Variants in MTUS2 observed in about 807,000 individuals in gnomAD.
MTUS2 encodes microtubule associated scaffold protein 2, also known as microtubule-associated tumor suppressor candidate 2.
MTUS2 carries 40 observed loss-of-function variants against 114.1 expected under a neutral mutation model. The observed-to-expected ratio is 0.35, with a 90% CI of 0.27 to 0.46. The LOEUF is 0.46. Ranked by LOEUF, MTUS2 falls within the 20% of genes least tolerant of loss-of-function variation. The pLI is 1.00. For missense variants in MTUS2, 1,679 were observed against 1,705.4 expected (o/e 0.98, Z 0.27); for synonymous variants, 688 against 672.0 (o/e 1.02, Z -0.37).
intron 9 of MTUS2, among the ~76,000 whole-genome samples, chr13:29,471,177 T>C (rs1440270690): frequency 6.6e-6 from 1 of 151,896 alleles, no homozygotes; most frequent in East Asian, 1.9e-4. Context: ...ACCCCATCTC[T>C]ACTAAAAATA....
chr13:29,353,616 A>G (rs1440747705), intron 7 of MTUS2, among the ~76,000 whole-genome samples: 2 of 152,182 alleles, frequency 1.3e-5, no homozygotes, highest in African/African-American at 4.8e-5. Flanking sequence ...AGTATTCTTA[A>G]GCTTTTTTCT....
At chr13:29,106,074 C>A (rs1018697138) in intron 5 of MTUS2, among the ~76,000 whole-genome samples, 2 of 152,150 alleles carry the variant, frequency 1.3e-5, no homozygotes, top group Non-Finnish European at 2.9e-5. Flanking sequence ...TCCTAGTCTT[C>A]ACCTTGTCAT....
intron 5 of MTUS2, among the ~76,000 whole-genome samples, chr13:29,148,055 A>G (rs1374462180): frequency 6.6e-6 from 1 of 152,182 alleles, no homozygotes; most frequent in Non-Finnish European, 1.5e-5. Context: ...TTACATTCCC[A>G]CCAACAGTGT....
intron 5 of MTUS2, among the ~76,000 whole-genome samples, chr13:29,250,204 C>G (rs1897074271): frequency 6.6e-6 from 1 of 151,972 alleles, no homozygotes; most frequent in Non-Finnish European, 1.5e-5. Flanking sequence ...ATAACATGTT[C>G]AAGTTGAAAT....
chr13:29,164,608 G>A (rs1348137508), intron 5 of MTUS2, among the ~76,000 whole-genome samples: 2 of 152,198 alleles, frequency 1.3e-5, no homozygotes, highest in Non-Finnish European at 2.9e-5. Flanking sequence ...TGATGTATAT[G>A]TGAATTAAAT....
intron 5 of MTUS2, among the ~76,000 whole-genome samples, chr13:29,255,272 A>T (rs1897255321): frequency 6.6e-6 from 1 of 152,168 alleles, no homozygotes; most frequent in East Asian, 1.9e-4. Context: ...TCTGAGATTA[A>T]TCATGGGGTT....
At chr13:29,205,430 T>A (rs1215711740) in intron 5 of MTUS2, among the ~76,000 whole-genome samples, 1 of 151,516 alleles carries the variant, frequency 6.6e-6, no homozygotes. Flanking sequence ...TATTTCAGTA[T>A]TTTTTTGGGG....
At chr13:29,036,274 G>A (rs1887068031) in intron 4 of MTUS2, among the ~76,000 whole-genome samples, 2 of 152,186 alleles carry the variant, frequency 1.3e-5, no homozygotes, top group East Asian at 1.9e-4. Flanking sequence ...TGACGGAAGG[G>A]AGTGAGAGTC....
chr13:29,295,855 A>G (rs1403463284), intron 6 of MTUS2, among the ~76,000 whole-genome samples: 3 of 152,166 alleles, frequency 2.0e-5, no homozygotes, highest in East Asian at 1.9e-4. Flanking sequence ...TTATAAAACC[A>G]TCAGATCTCA....
chr13:29,340,343 C>G (rs1593323177), intron 7 of MTUS2, among the ~76,000 whole-genome samples: 2 of 152,284 alleles, frequency 1.3e-5, no homozygotes, highest in South Asian at 2.1e-4. Flanking sequence ...ACTGCAGATG[C>G]CTGTTGACAG....
In MTUS2 at chr13:28,878,318, T is replaced by A. The variant is rs143671129; in HGVS notation, c.-243+38468T>A. Among the ~76,000 whole-genome samples, 206 of 152,106 alleles carry A rather than the reference T, an allele frequency of 1.4e-3. 2 individuals carry two copies. Among genetic ancestry groups the A allele is most frequent in the African/African-American group, 4.8e-3 (200 of 41,500 alleles). On this transcript the variant is annotated intron_variant, in intron 2 of 15. Coordinates refer to ENST00000612955, the MANE Select transcript of MTUS2 (RefSeq NM_001033602.4). Reference sequence around the variant, plus strand: ...ACACACACACACATACACACACATATACATTTTTTGTTTTTTCTTCAACTC... The same window carrying A: ...ACACACACACACATACACACACATAAACATTTTTTGTTTTTTCTTCAACTC...
intron 2 of MTUS2, among the ~76,000 whole-genome samples, chr13:28,933,446 G>T (rs866351090): frequency 2.6e-5 from 4 of 152,150 alleles, no homozygotes; most frequent in Non-Finnish European, 4.4e-5. Flanking sequence ...TTATGAAAGG[G>T]TCATTAGCTT....
In MTUS2 at chr13:29,480,372, T is replaced by A. The variant is rs762462020; in HGVS notation, c.3399+8T>A. 2 of 1,512,498 alleles carry A rather than the reference T, an allele frequency of 1.3e-6. No individual in the cohort carries two copies. The highest frequency in any genetic ancestry group is 2.8e-5 in the African/African-American group (2 of 72,102). The allele number at this position is 1,512,498 out of a possible 1,614,324, so 93.7% of individuals were successfully genotyped here. On this transcript the variant is annotated splice_region_variant and intron_variant, in intron 10 of 15. Transcript: ENST00000612955. This position sits in a 1 kb window ranked among gnomAD's most constrained non-coding sequence, Gnocchi z 4.4. Reference sequence around the variant, plus strand: ...TGTCAACACCAGGAGCAGGTCAGTCTGCAGTGCGGCTCGAGCTCTGCTGTT... The same window carrying A: ...TGTCAACACCAGGAGCAGGTCAGTCAGCAGTGCGGCTCGAGCTCTGCTGTT...
intron 2 of MTUS2, among the ~76,000 whole-genome samples, chr13:28,906,150 T>A (rs1237113993): frequency 1.3e-5 from 2 of 151,550 alleles, no homozygotes; most frequent in Non-Finnish European, 2.9e-5. Context: ...TCTGTTTTCT[T>A]CTTTATTAGT....
At chr13:29,456,657 G>A (rs1879127832) in intron 9 of MTUS2, among the ~76,000 whole-genome samples, 1 of 152,146 alleles carries the variant, frequency 6.6e-6, no homozygotes, top group Non-Finnish European at 1.5e-5. Context: ...GTAAATGACA[G>A]TTGGCCTTAT....
Position 29,052,393 on chromosome 13 carries a change from A to G in MTUS2, c.2446+18268A>G, listed in dbSNP as rs537092467. 8.6e-5 allele frequency among the ~76,000 whole-genome samples: 13 copies of G among 151,362 alleles called. No individual in the cohort carries two copies. In the South Asian group the frequency reaches 2.5e-3, roughly 29 times the overall value. On this transcript the variant is annotated intron_variant, in intron 4 of 15. Transcript: ENST00000612955. ...CTACTTGCAAGTCTGAGACACAGGAATCACTTGAACCTGGGAGGCGGAGGT... is the reference window on the plus strand; with the variant it reads ...CTACTTGCAAGTCTGAGACACAGGAGTCACTTGAACCTGGGAGGCGGAGGT...
At chr13:29,231,730 T>C (rs1896332898) in intron 5 of MTUS2, among the ~76,000 whole-genome samples, 1 of 152,200 alleles carries the variant, frequency 6.6e-6, no homozygotes, top group African/African-American at 2.4e-5. Context: ...ACTGAAGTTG[T>C]AGTTCTTTTT....
chr13:29,419,265 G>A (rs1875901068), intron 8 of MTUS2, among the ~76,000 whole-genome samples: 1 of 152,220 alleles, frequency 6.6e-6, no homozygotes, highest in Non-Finnish European at 1.5e-5. Flanking sequence ...GAGTGGCAGG[G>A]TGGATCCTGG....
intron 9 of MTUS2, among the ~76,000 whole-genome samples, chr13:29,456,781 T>G (rs1286384668): frequency 2.0e-5 from 3 of 152,040 alleles, no homozygotes; most frequent in Non-Finnish European, 4.4e-5. Context: ...CCTTTAAAAA[T>G]GATGGAAACT....
Sources: allele counts gnomAD v4.1 joint callset (sites outside exome capture counted in the v4.1 genomes callset), GRCh38; gene constraint gnomAD v4.1.1; non-coding constraint Gnocchi (gnomAD v3.1); transcripts MANE v1.5; gene names NCBI Gene and HGNC (gene_info 2026-07-23, HGNC 2026-07-21).